The following PLBD1 variants were observed in gnomAD, a reference collection of about 807,000 sequenced individuals.
PLBD1 encodes the protein lysosomal leucine aminopeptidase.
PLBD1 carries 60 observed loss-of-function variants against 63.0 expected under a neutral mutation model. The observed-to-expected ratio is 0.95, with a 90% CI of 0.77 to 1.18. The LOEUF is 1.18. Ranked by LOEUF, PLBD1 falls within the 50% of genes most tolerant of loss-of-function variation. PLBD1 has a pLI of 0.00. For synonymous variants in PLBD1, 262 were observed against 248.0 expected (o/e 1.06, Z -0.53); for missense variants, 598 against 677.9 (o/e 0.88, Z 1.31).
chr12:14,564,265 A>T (rs989510067), intron 1 of PLBD1, among the ~76,000 whole-genome samples: 1 of 152,226 alleles, frequency 6.6e-6, no homozygotes, highest in African/African-American at 2.4e-5. Context: ...AATTGACCCC[A>T]GTCATAGGTC....
chr12:14,550,904 G>C (rs955331996), intron 2 of PLBD1, among the ~76,000 whole-genome samples: 4 of 151,652 alleles, frequency 2.6e-5, no homozygotes, highest in African/African-American at 9.7e-5. Flanking sequence ...TTATTTGAAT[G>C]TGGTGGCTCA....
intron 1 of PLBD1, among the ~76,000 whole-genome samples, chr12:14,567,019 C>G (rs1945792995): frequency 6.6e-6 from 1 of 150,920 alleles, no homozygotes; most frequent in African/African-American, 2.4e-5. Flanking sequence ...CGCTTGAACC[C>G]GGGAGGCGGA....
chr12:14,567,494 G>T, intron 1 of PLBD1, 88 bp downstream of exon 1: 1 of 1,384,552 alleles, frequency 7.2e-7, no homozygotes. Flanking sequence ...CCCGCTGGAC[G>T]TCAACTCGGC....
intron 9 of PLBD1, 27 bp downstream of exon 9, chr12:14,506,906 A>AT (rs755043564): frequency 1.3e-6 from 2 of 1,595,384 alleles, no homozygotes; most frequent in Non-Finnish European, 1.7e-6. Flanking sequence ...GTTTTGAAGA[A>AT]TGATTCTTGA....
chr12:14,540,015 TATATATA>T (rs1565577498), intron 4 of PLBD1, among the ~76,000 whole-genome samples: 482 of 10,860 alleles, frequency 0.044, 17 homozygotes, highest in Admixed American at 0.064. Context: ...GCTATGCACA[TATATATA>T]TATATATATA....
At chr12:14,534,543 CTTTTTTTTTTT>C (rs1286445435) in intron 6 of PLBD1, among the ~76,000 whole-genome samples, 6 of 137,810 alleles carry the variant, frequency 4.4e-5, no homozygotes, top group African/African-American at 1.7e-4. Flanking sequence ...CTTTTCTTTT[CTTTTTTTTTTT>C]TTTTTTTGAG....
chr12:14,506,744 C>A (rs183527965), intron 9 of PLBD1, among the ~76,000 whole-genome samples, 189 bp downstream of exon 9: 1 of 150,964 alleles, frequency 6.6e-6, no homozygotes, highest in South Asian at 2.1e-4. Flanking sequence ...TGTATAGACT[C>A]TTCTCTTTCA....
chr12:14,528,507 A>G (rs929792337), intron 6 of PLBD1, among the ~76,000 whole-genome samples: 35 of 152,194 alleles, frequency 2.3e-4, no homozygotes, highest in African/African-American at 8.0e-4. Context: ...GGATTAAATA[A>G]ATCGTGATAA....
Position 14,511,538 on chromosome 12 carries a change from C to G in PLBD1, c.1018G>C (p.Ala340Pro). The change falls in exon 7 of 11, where the codon GCA becomes CCA. Residue 340 changes from alanine (A) to proline (P), a missense_variant. Transcript: ENST00000240617. Reference protein sequence around the residue: ...NMMADSGKRWADIFSKYNSGT... With the variant: ...NMMADSGKRWPDIFSKYNSGT... The stretch of plus-strand genomic sequence containing the variant: ...GAGTTGTATTTTGAAAAGATGTCTG[C>G]CCACCTCTTGCCACTATCTGCCATC... 1.2e-6 allele frequency: 2 copies of G among 1,614,206 alleles called. No individual in the cohort carries two copies. Among genetic ancestry groups the G allele is most frequent in the Non-Finnish European group, 1.7e-6 (2 of 1,180,040 alleles).
At chr12:14,512,397 C>A (rs1945305594) in intron 6 of PLBD1, among the ~76,000 whole-genome samples, 1 of 152,266 alleles carries the variant, frequency 6.6e-6, no homozygotes, top group East Asian at 1.9e-4. Context: ...GATTCACCCA[C>A]CTTAGCCTCT....
chr12:14,544,031 T>C (rs534173560), intron 2 of PLBD1, among the ~76,000 whole-genome samples: 18 of 152,352 alleles, frequency 1.2e-4, no homozygotes, highest in Admixed American at 5.9e-4. Flanking sequence ...TTGCTGATGA[T>C]CAGCAATATG....
Position 14,536,624 on chromosome 12 carries a change from G to C in PLBD1, c.645C>G (p.Gly215=). The C allele has an allele frequency of 6.2e-7, 1 of 1,614,208 alleles. No individual in the cohort carries two copies. Among genetic ancestry groups the C allele is most frequent in the Non-Finnish European group, 8.5e-7 (1 of 1,180,034 alleles). The change falls in exon 5 of 11, where the codon GGC becomes GGG. Residue 215 remains glycine, a synonymous_variant. Coordinates refer to ENST00000240617, the MANE Select transcript of PLBD1 (RefSeq NM_024829.6). ...CCCATCTCTTAAAAACCTTTAGGCT[G>C]CCGTTTTTTGTGGGAGAGAGTGAGG... The part of the protein sequence containing the change: ...LIPSLSPTKN[G]SLKVFKRWDM...
At position 14,503,835 on chromosome 12, in the gene PLBD1, C is replaced by T; in HGVS notation, c.1599G>A (p.Met533Ile). ...DRFNKTLHQG[M>I]PEVYNFDFIT... is the part of the protein sequence containing the mutation. ...TAAAATCAAAGTTGTAGACCTCTGG[C>T]ATGCCCTGATGTAGAGTTTTGTTGA... The change falls in exon 11 of 11, where the codon ATG becomes ATA. Residue 533 changes from methionine (M) to isoleucine (I), a missense_variant. By Grantham distance (10) the Met-to-Ile change is conservative. Coordinates refer to ENST00000240617, the MANE Select transcript of PLBD1 (RefSeq NM_024829.6). 6.2e-7 allele frequency: 1 copy of T among 1,613,896 alleles called. No homozygotes were observed. The highest frequency in any genetic ancestry group is 1.7e-4 in the Middle Eastern group (1 of 6,060).
At chr12:14,537,162 G>A (rs981764379) in intron 4 of PLBD1, among the ~76,000 whole-genome samples, 7 of 149,056 alleles carry the variant, frequency 4.7e-5, no homozygotes, top group South Asian at 4.2e-4. Context: ...GATTTTTATT[G>A]TAGCTTATAA....
Position 14,527,816 on chromosome 12 carries a change from C to CAA in PLBD1, c.844+7841_844+7842dup, listed in dbSNP as rs5796598. Among the ~76,000 whole-genome samples the CAA allele has an allele frequency of 3.9e-3, 570 of 146,434 alleles. 3 individuals carry two copies. Among genetic ancestry groups the CAA allele is most frequent in the African/African-American group, 9.7e-3 (389 of 40,176 alleles). ...AAATAAAATTGCTGGTATGAAATGACAAAAAAAAAAGAAAGTAAACAGACA... is the reference window on the plus strand; with the variant it reads ...AAATAAAATTGCTGGTATGAAATGACAAAAAAAAAAAAGAAAGTAAACAGACA... On this transcript the variant is annotated intron_variant, in intron 6 of 10. Coordinates refer to ENST00000240617, the MANE Select transcript of PLBD1 (RefSeq NM_024829.6).
intron 6 of PLBD1, among the ~76,000 whole-genome samples, chr12:14,519,737 G>A (rs900872113): frequency 6.6e-6 from 1 of 152,054 alleles, no homozygotes; most frequent in Non-Finnish European, 1.5e-5. Flanking sequence ...AACCAAACCT[G>A]TCAATATCTT....
chr12:14,530,132 T>C (rs1945447926), intron 6 of PLBD1: 1 of 152,204 alleles, frequency 6.6e-6, no homozygotes, highest in South Asian at 2.1e-4. Context: ...TTCTTTTGGA[T>C]GGCTTCGTCT....
Position 14,557,368 on chromosome 12 carries a change from C to A in PLBD1, c.116-3956G>T, listed in dbSNP as rs142355196. The stretch of plus-strand genomic sequence containing the variant: ...ATAAAGACACATGCACACATATGTT[C>A]ATTGCAGCACTACTCACAATAGCAA... On this transcript the variant is annotated intron_variant, in intron 1 of 10. Transcript: ENST00000240617. 1.7e-3 allele frequency among the ~76,000 whole-genome samples: 265 copies of A among 152,178 alleles called. 2 individuals are homozygous for A. The highest frequency in any genetic ancestry group is 6.0e-3 in the African/African-American group (250 of 41,524).
At chr12:14,550,843 A>G (rs1038644280) in intron 2 of PLBD1, among the ~76,000 whole-genome samples, 3 of 151,138 alleles carry the variant, frequency 2.0e-5, no homozygotes, top group Admixed American at 6.6e-5. Flanking sequence ...ACGCCATCGC[A>G]CTCTAGCCTG....
Sources: gnomAD v4.1 joint callset for allele counts (sites outside exome capture counted in the v4.1 genomes callset) on GRCh38, gnomAD v4.1.1 for gene constraint, MANE v1.5 for transcripts, NCBI Gene and HGNC (gene_info 2026-07-23, HGNC 2026-07-21) for gene names.